The following ENTPD5 variants were observed in gnomAD, a reference collection of about 807,000 sequenced individuals.
ENTPD5 encodes the protein nucleoside diphosphate phosphatase ENTPD5.
Under a neutral mutation model 60.2 loss-of-function variants are expected in ENTPD5, and 49 were observed. That is an observed-to-expected ratio of 0.81 (90% CI 0.65 to 1.03). ENTPD5 has a LOEUF of 1.03. Ranked by LOEUF, ENTPD5 falls within the 50% of genes least tolerant of loss-of-function variation. The pLI, the probability that ENTPD5 is intolerant of heterozygous loss-of-function variation, is 0.00. For missense variants in ENTPD5, 480 were observed against 507.6 expected (o/e 0.95, Z 0.52); for synonymous variants, 187 against 185.4 (o/e 1.01, Z -0.07).
downstream of ENTPD5, chr14:73,959,571 G>T (rs1474841325): frequency 6.2e-7 from 1 of 1,613,204 alleles, no homozygotes; most frequent in Non-Finnish European, 8.5e-7. Flanking sequence ...GGGAGATACA[G>T]AAAGGTGTTG....
At position 73,977,198 on chromosome 14, in the gene ENTPD5, A is replaced by G. The variant is rs2057480515; in HGVS notation, c.517+101T>C. 33 of 1,212,408 alleles carry G rather than the reference A, an allele frequency of 2.7e-5. 1 individual carries two copies. The South Asian group carries it at 4.1e-4, about 15-fold the overall frequency. 75.1% of individuals were successfully genotyped at this position (1,212,408 alleles called of 1,614,324 possible). ...TTCTCCCTGTCTTCTATTTCCTGCT[A>G]TCTCATTCCTTCTGTTTATTCCTGG... On this transcript the variant is annotated intron_variant, in intron 7 of 15. Transcript: ENST00000334696.
chr14:73,969,932 A>T, intron 15 of ENTPD5, 78 bp downstream of exon 15: 1 of 1,005,724 alleles, frequency 9.9e-7, no homozygotes, highest in Non-Finnish European at 1.6e-6. Flanking sequence ...AGCTACTCTG[A>T]TTACTGAACA....
downstream of ENTPD5, among the ~76,000 whole-genome samples, chr14:73,962,232 C>T (rs1216245412): frequency 6.6e-6 from 1 of 152,076 alleles, no homozygotes; most frequent in African/African-American, 2.4e-5. Flanking sequence ...AGGCGTGAGC[C>T]ACTGCGGCTG....
At chr14:74,016,353 T>G (rs1164321033) in intron 1 of ENTPD5, among the ~76,000 whole-genome samples, 1 of 152,074 alleles carries the variant, frequency 6.6e-6, no homozygotes, top group Non-Finnish European at 1.5e-5. Flanking sequence ...TAAAATAAAC[T>G]AGGCCAAGTG....
intron 2 of ENTPD5, among the ~76,000 whole-genome samples, chr14:74,012,370 G>C (rs1301156047): frequency 2.6e-5 from 4 of 152,130 alleles, no homozygotes; most frequent in Non-Finnish European, 5.9e-5. Context: ...GCCTCCTAAA[G>C]TGCTGGGATT....
chr14:73,999,343 C>T lies in ENTPD5; in HGVS notation c.-70-11171G>A, dbSNP rs1055253506. 9.2e-5 allele frequency among the ~76,000 whole-genome samples: 14 copies of T among 151,710 alleles called. 1 individual carries two copies. Among genetic ancestry groups the T allele is most frequent in the African/African-American group, 3.2e-4 (13 of 41,222 alleles). On this transcript the variant is annotated intron_variant, in intron 3 of 15. Transcript: ENST00000334696. ...TATCTACTAAAAATACAAAAATTAG[C>T]CAGGTGTGGTGGCATGCGCCTGTAA...
At chr14:73,983,619 A>G (rs8019021) in intron 5 of ENTPD5, among the ~76,000 whole-genome samples, 86,927 of 130,798 alleles carry the variant, frequency 0.66, 28,094 homozygotes, top group South Asian at 0.77. Flanking sequence ...GTGACACTCC[A>G]TCTCAAAAAA....
At chr14:74,013,754 G>A (rs2058920648) in intron 2 of ENTPD5, among the ~76,000 whole-genome samples, 1 of 152,078 alleles carries the variant, frequency 6.6e-6, no homozygotes, top group African/African-American at 2.4e-5. Flanking sequence ...ACAATTTGAG[G>A]GCAAGGGCCT....
chr14:73,955,688 C>T (rs2056399713), downstream of ENTPD5: 3 of 1,513,212 alleles, frequency 2.0e-6, no homozygotes, highest in African/African-American at 2.7e-5. Context: ...ATTTTCCTAC[C>T]AGAGAGGCTG....
intron 3 of ENTPD5, among the ~76,000 whole-genome samples, chr14:74,008,703 T>G (rs1189203715): frequency 6.6e-6 from 1 of 152,162 alleles, no homozygotes; most frequent in Non-Finnish European, 1.5e-5. Context: ...CCTAGACTTT[T>G]ATTTTTTCTT....
Position 73,965,281 on chromosome 14 carries a change from G to A in ENTPD5, c.*1647C>T, listed in dbSNP as rs112429449. On this transcript the variant is annotated 3_prime_UTR_variant, in exon 16 of 16. Transcript: ENST00000334696. ...CCTTTGTGAGAGAGAGGATGGAAAC[G>A]GAGTCTACTGTGAAAGCCACAAGTT... 2.0e-5 allele frequency: 3 copies of A among 152,244 alleles called. 1 individual carries two copies. Among genetic ancestry groups the A allele is most frequent in the African/African-American group, 7.2e-5 (3 of 41,532 alleles). The allele number at this position is 152,244 out of a possible 1,614,324, so 9.4% of individuals were successfully genotyped here.
At chr14:74,013,023 C>G (rs1594963223) in intron 2 of ENTPD5, among the ~76,000 whole-genome samples, 1 of 152,260 alleles carries the variant, frequency 6.6e-6, no homozygotes, top group African/African-American at 2.4e-5. Flanking sequence ...ATACAATAAC[C>G]CTCTGCTCTA....
chr14:73,967,047 A>G, intron 15 of ENTPD5, 33 bp from the exon 16 acceptor site: 2 of 1,579,486 alleles, frequency 1.3e-6, no homozygotes, highest in Non-Finnish European at 1.7e-6. Context: ...TCACCTTTTC[A>G]TCCAGTTTCC....
At chr14:73,955,514 C>G, downstream of ENTPD5, 1 of 1,613,488 alleles carries the variant, frequency 6.2e-7, no homozygotes, top group Non-Finnish European at 8.5e-7. Flanking sequence ...ATGCAGGTGC[C>G]CCTTTATCTT....
chr14:73,974,050 G>C lies in ENTPD5; in HGVS notation c.785-72C>G, dbSNP rs1007033003. ...AGGGAGGAAGGCAAGCAAGAAGCCAGTGAGGTGGAAAAGAATCACCATGGG... is the reference window on the plus strand; with the variant it reads ...AGGGAGGAAGGCAAGCAAGAAGCCACTGAGGTGGAAAAGAATCACCATGGG... On this transcript the variant is annotated intron_variant, in intron 11 of 15. Coordinates refer to ENST00000334696, the MANE Select transcript of ENTPD5 (RefSeq NM_001249.5). 437 of 1,290,830 alleles carry C rather than the reference G, an allele frequency of 3.4e-4. 3 individuals carry two copies. The highest frequency in any genetic ancestry group is 3.2e-3 in the South Asian group (268 of 83,406). 80.0% of individuals were successfully genotyped at this position (1,290,830 alleles called of 1,614,324 possible).
chr14:73,995,313 G>A (rs887187625), intron 3 of ENTPD5, among the ~76,000 whole-genome samples: 4 of 151,998 alleles, frequency 2.6e-5, no homozygotes, highest in Non-Finnish European at 5.9e-5. Flanking sequence ...CTCCCAAAAT[G>A]CTAGGATTAT....
intron 3 of ENTPD5, among the ~76,000 whole-genome samples, chr14:73,995,065 TA>T (rs1406735258): frequency 1.4e-5 from 2 of 140,776 alleles, no homozygotes; most frequent in East Asian, 2.1e-4. Context: ...TTTTTTTTTT[TA>T]AATACAGAGT....
chr14:74,014,851 A>T (rs550771237), intron 2 of ENTPD5, among the ~76,000 whole-genome samples: 1 of 152,162 alleles, frequency 6.6e-6, no homozygotes, highest in African/African-American at 2.4e-5. Context: ...AAGCCGAGGC[A>T]GGCAGATCAC....
rs143162653 is a variant in ENTPD5 at position 73,974,901 on chromosome 14, C to A, written c.784+23G>T. On this transcript the variant is annotated intron_variant, in intron 11 of 15. Transcript: ENST00000334696. ...TCTGTGTCACCCTCACCATCCCCCC[C>A]CAGCACAGGTACCCAGACAAACCTT... 76 of 1,604,182 alleles carry A rather than the reference C, an allele frequency of 4.7e-5. No homozygotes were observed. The African/African-American group carries it at 8.0e-4, about 17-fold the overall frequency.
Sources: gnomAD v4.1 joint callset for allele counts (sites outside exome capture counted in the v4.1 genomes callset) on GRCh38, gnomAD v4.1.1 for gene constraint, MANE v1.5 for transcripts, NCBI Gene and HGNC (gene_info 2026-07-23, HGNC 2026-07-21) for gene names.